DCAF8L2: variants seen among roughly 807,000 people sequenced by gnomAD.
DCAF8L2 encodes the protein DDB1 and CUL4 associated factor 8 like 2.
For missense variants in DCAF8L2, 430 were observed against 490.7 expected (o/e 0.88, Z 1.17); for synonymous variants, 200 against 190.9 (o/e 1.05, Z -0.39).
At chrX:27,733,985 C>CT (rs1185580573) in intron 4 of DCAF8L2, among the ~76,000 whole-genome samples, 2 of 110,769 alleles carry the variant, frequency 1.8e-5, no homozygotes, top group African/African-American at 3.3e-5. Context: ...AGTTAAGCAT[C>CT]TTTTTTTGAT....
At chrX:27,512,548 G>T in the DCAF8L2 span, among the ~76,000 whole-genome samples, 3 of 106,008 alleles carry the variant, frequency 2.8e-5, no homozygotes, top group East Asian at 8.9e-4. Context: ...GCTGGGTGTG[G>T]TGGTGGGCAC....
the DCAF8L2 span, among the ~76,000 whole-genome samples, chrX:27,473,921 T>C: frequency 9.0e-6 from 1 of 111,048 alleles, no homozygotes; most frequent in South Asian, 3.8e-4. Context: ...CGTATACTTA[T>C]GGGAGTCTTT....
At chrX:27,502,147 C>T in the DCAF8L2 span, among the ~76,000 whole-genome samples, 1 of 101,477 alleles carries the variant, frequency 9.9e-6, no homozygotes, top group South Asian at 4.8e-4. Flanking sequence ...AAGGTGAAAC[C>T]CCTTCTCTAC....
At chrX:27,480,205 T>A in the DCAF8L2 span, among the ~76,000 whole-genome samples, 7 of 112,402 alleles carry the variant, frequency 6.2e-5, no homozygotes, top group Admixed American at 1.9e-4. Context: ...GGTACAACAC[T>A]AAAAAGACAT....
rs939300975 is a variant in DCAF8L2 at position 27,723,029 on chromosome X, A to T, written c.-59+6858A>T. 1.3e-4 allele frequency among the ~76,000 whole-genome samples: 14 copies of T among 110,948 alleles called. No individual in the cohort carries two copies. In the South Asian group the frequency reaches 2.6e-3, roughly 21 times the overall value. On this transcript the variant is annotated intron_variant, in intron 4 of 4. Coordinates refer to ENST00000451261, the MANE Select transcript of DCAF8L2 (RefSeq NM_001353450.2). ...AGGATTTTATTCATTTACAATGGCA[A>T]CAGAACAGGAAAATATATAGAGAAA...
intron 1 of DCAF8L2, among the ~76,000 whole-genome samples, chrX:27,628,637 C>T (rs1360046356): frequency 5.6e-5 from 6 of 106,756 alleles, no homozygotes; most frequent in East Asian, 3.0e-4. Context: ...GGAGTCTCGC[C>T]CTGTCGCCCA....
the DCAF8L2 span, among the ~76,000 whole-genome samples, chrX:27,510,538 G>A: frequency 2.8e-5 from 3 of 105,661 alleles, no homozygotes; most frequent in Non-Finnish European, 5.8e-5. Context: ...AAGTCTTCTT[G>A]GACTTCAAGG....
At chrX:27,615,217 A>T (rs1250818097) in intron 1 of DCAF8L2, among the ~76,000 whole-genome samples, 1 of 111,817 alleles carries the variant, frequency 8.9e-6, no homozygotes, top group Non-Finnish European at 1.9e-5. Flanking sequence ...TATCCAACTC[A>T]TCCCTATTGT....
At chrX:27,517,838 T>C in the DCAF8L2 span, 2 of 1,077,465 alleles carry the variant, frequency 1.9e-6, no homozygotes, top group Non-Finnish European at 2.6e-6. Context: ...CTTGTACTTA[T>C]CACGGCCTGC....
intron 3 of DCAF8L2, among the ~76,000 whole-genome samples, chrX:27,686,295 G>A (rs920303099): frequency 1.8e-5 from 2 of 111,461 alleles, no homozygotes; most frequent in African/African-American, 6.5e-5. Context: ...CATGTTTATT[G>A]CAGCACTATT....
chrX:27,745,860 A>T (rs1357241210), intron 4 of DCAF8L2, among the ~76,000 whole-genome samples: 1 of 111,925 alleles, frequency 8.9e-6, no homozygotes, highest in Non-Finnish European at 1.9e-5. Flanking sequence ...GAAGCCTCGG[A>T]CATGTTCTGG....
chrX:27,737,354 G>A (rs1045752462), intron 4 of DCAF8L2, among the ~76,000 whole-genome samples: 10 of 111,399 alleles, frequency 9.0e-5, no homozygotes, highest in Non-Finnish European at 9.4e-5. Context: ...AATATGTCAT[G>A]CTCTCTCCTC....
chrX:27,744,209 G>A (rs1393085860), intron 4 of DCAF8L2, among the ~76,000 whole-genome samples: 1 of 111,241 alleles, frequency 9.0e-6, no homozygotes. Flanking sequence ...ACTTACTCCT[G>A]TGTGTTTAGG....
At chrX:27,539,134 C>G in the DCAF8L2 span, among the ~76,000 whole-genome samples, 1 of 112,125 alleles carries the variant, frequency 8.9e-6, no homozygotes, top group Non-Finnish European at 1.9e-5. Context: ...CAGGCATGAG[C>G]CACCATGCCC....
the DCAF8L2 span, among the ~76,000 whole-genome samples, chrX:27,548,822 A>C: frequency 1.8e-5 from 2 of 112,189 alleles, no homozygotes; most frequent in East Asian, 5.6e-4. Flanking sequence ...CTAGTTAATG[A>C]ATAACATCTC....
Position 27,622,241 on chromosome X carries a change from G to A in DCAF8L2, c.-341-9638G>A, listed in dbSNP as rs1260234583. Among the ~76,000 whole-genome samples the A allele has an allele frequency of 3.8e-5, 4 of 105,690 alleles. No homozygotes were observed. The Admixed American group carries it at 4.0e-4, about 11-fold the overall frequency. The allele number at this position is 105,690 out of a possible 115,157, so 91.8% of individuals were successfully genotyped here. On this transcript the variant is annotated intron_variant, in intron 1 of 4. Coordinates refer to ENST00000451261, the MANE Select transcript of DCAF8L2 (RefSeq NM_001353450.2). ...AGATCGAGACCATCCTGGCTAACAC[G>A]GTGAAACCCCGTCTCTACTAAAAAT...
chrX:27,712,869 A>G (rs1015455196), intron 3 of DCAF8L2, among the ~76,000 whole-genome samples: 2 of 112,074 alleles, frequency 1.8e-5, no homozygotes, highest in African/African-American at 6.5e-5. Context: ...TAAAATAGAT[A>G]ATTGTCTGTT....
the DCAF8L2 span, chrX:27,519,611 A>G: frequency 3.1e-6 from 2 of 650,654 alleles, no homozygotes; most frequent in Admixed American, 4.4e-5. Flanking sequence ...GAACATGATG[A>G]GAATAATGCT....
At chrX:27,743,065 A>C (rs892792373) in intron 4 of DCAF8L2, among the ~76,000 whole-genome samples, 3 of 111,803 alleles carry the variant, frequency 2.7e-5, no homozygotes, top group Non-Finnish European at 5.6e-5. Context: ...AGGTTCTCAC[A>C]CTTTTATTTT....
Sources: gnomAD v4.1 joint callset for allele counts (sites outside exome capture counted in the v4.1 genomes callset) on GRCh38, gnomAD v4.1.1 for gene constraint, MANE v1.5 for transcripts, NCBI Gene and HGNC (gene_info 2026-07-23, HGNC 2026-07-21) for gene names.